The following PSG3 variants were observed in gnomAD, a reference collection of about 807,000 sequenced individuals.
PSG3 encodes the protein pregnancy-specific beta-1-glycoprotein 3.
PSG3 carries 61 observed loss-of-function variants against 47.5 expected under a neutral mutation model. The ratio of observed to expected loss-of-function variants is 1.28; its 90% CI spans 1.05 to 1.59. The LOEUF is 1.59. PSG3 is among the 40% of genes most tolerant of loss of function. The pLI is 0.00. For synonymous variants in PSG3, 263 were observed against 198.4 expected, an observed-to-expected ratio of 1.33 and a Z score of -2.74; for missense variants, 756 against 524.0, an observed-to-expected ratio of 1.44 and a Z score of -4.32.
At chr19:42,723,062 T>C (rs1006032601) in intron 6 of PSG3, among the ~76,000 whole-genome samples, 12 of 152,374 alleles carry the variant, frequency 7.9e-5, no homozygotes, top group Admixed American at 1.3e-4. Context: ...ATCATGATTA[T>C]TTTCAGGTCT....
rs943994064 is a variant in PSG3 at position 42,721,881 on chromosome 19, T to C, written c.*250A>G. 7 of 414,896 alleles carry C rather than the reference T, an allele frequency of 1.7e-5. No individual in the cohort carries two copies. The highest frequency in any genetic ancestry group is 1.2e-4 in the African/African-American group (6 of 48,678). 25.7% of individuals were successfully genotyped at this position (414,896 alleles called of 1,614,324 possible). A position where few individuals can be genotyped will look rare whatever the true frequency, so the allele number is the denominator to read the frequency against. On this transcript the variant is annotated 3_prime_UTR_variant, in exon 7 of 7. Transcript: ENST00000327495. Reference sequence around the variant, plus strand: ...TTTTGACTATTTAGTCCAATAAAATTGGGTTTTTTTCTTTGTCTTGAATTT... The same window carrying C: ...TTTTGACTATTTAGTCCAATAAAATCGGGTTTTTTTCTTTGTCTTGAATTT...
At chr19:42,739,970 T>C (rs1190571277) in intron 1 of PSG3, among the ~76,000 whole-genome samples, 2 of 151,816 alleles carry the variant, frequency 1.3e-5, no homozygotes, top group Admixed American at 6.6e-5. Context: ...TTTTTTTTTT[T>C]GAGACGGAGT....
At chr19:42,739,844 C>T (rs1046837758) in intron 1 of PSG3, among the ~76,000 whole-genome samples, 1 of 152,188 alleles carries the variant, frequency 6.6e-6, no homozygotes, top group Non-Finnish European at 1.5e-5. Flanking sequence ...CTACCTCTTA[C>T]CAATTCTGGT....
intron 2 of PSG3, among the ~76,000 whole-genome samples, chr19:42,735,632 A>G (rs1163555560): frequency 6.6e-6 from 1 of 152,186 alleles, no homozygotes; most frequent in Admixed American, 6.5e-5. Context: ...AAGTCCTGGG[A>G]TTATAGGCAT....
At chr19:42,736,409 C>A (rs1467286996) in intron 2 of PSG3, among the ~76,000 whole-genome samples, 1 of 152,172 alleles carries the variant, frequency 6.6e-6, no homozygotes, top group Non-Finnish European at 1.5e-5. Context: ...ACAAACAGAT[C>A]ATTTCCCTCC....
intron 3 of PSG3, 60 bp downstream of exon 3, chr19:42,732,724 C>A: frequency 6.2e-7 from 1 of 1,614,082 alleles, no homozygotes; most frequent in East Asian, 2.2e-5. Flanking sequence ...AGAGGCCTGG[C>A]CTCTGGCCAC....
intron 3 of PSG3, 24 bp from the exon 4 acceptor site, chr19:42,730,080 T>C (rs774286795): frequency 6.2e-7 from 1 of 1,606,696 alleles, no homozygotes; most frequent in South Asian, 1.1e-5. Context: ...AGAGAGAAGA[T>C]TGTCCTGTGT....
At chr19:42,723,176 A>G (rs909161709) in intron 6 of PSG3, among the ~76,000 whole-genome samples, 5 of 152,326 alleles carry the variant, frequency 3.3e-5, no homozygotes, top group Middle Eastern at 3.4e-3. Context: ...AAAGATCTCA[A>G]CCACACATAG....
chr19:42,737,110 C>T lies in PSG3; in HGVS notation c.430+1614G>A, dbSNP rs188144530. On this transcript the variant is annotated intron_variant, in intron 2 of 6. Transcript: ENST00000327495. Reference sequence around the variant, plus strand: ...CACTGACTTCAGAGACCCCAGGGACCAGGTGCCCCCAGTTCCACAGTCCAG... The same window carrying T: ...CACTGACTTCAGAGACCCCAGGGACTAGGTGCCCCCAGTTCCACAGTCCAG... Among the ~76,000 whole-genome samples the T allele has an allele frequency of 1.4e-4, 22 of 152,208 alleles. 1 individual carries two copies. The East Asian group carries it at 2.3e-3, about 16-fold the overall frequency.
intron 4 of PSG3, 74 bp downstream of exon 4, chr19:42,729,704 A>T (rs1280425915): frequency 2.7e-5 from 42 of 1,574,004 alleles, no homozygotes; most frequent in Non-Finnish European, 3.6e-5. Flanking sequence ...CCAGAGAGAG[A>T]GTGAGAGGCC....
Position 42,731,229 on chromosome 19 carries a change from A to G in PSG3, c.710-1173T>C, listed in dbSNP as rs1271436262. Among the ~76,000 whole-genome samples, 5 of 152,322 alleles carry G rather than the reference A, an allele frequency of 3.3e-5. No individual in the cohort carries two copies. In the South Asian group the frequency reaches 6.2e-4, roughly 19 times the overall value. On this transcript the variant is annotated intron_variant, in intron 3 of 6. Transcript: ENST00000327495. ...ACAGATTGAGTATTTCTTATGCATA[A>G]GACTTAGGACAAAAAGTGTTTTGGA... is the stretch of plus-strand genomic sequence containing the variant.
At chr19:42,727,005 G>A (rs1319667909) in intron 5 of PSG3, among the ~76,000 whole-genome samples, 1 of 152,184 alleles carries the variant, frequency 6.6e-6, no homozygotes, top group African/African-American at 2.4e-5. Flanking sequence ...TTTTCATCGA[G>A]TGTGCCAAGA....
rs187952716 is a variant in PSG3, at chr19:42,723,156, G to A, written c.*40+786C>T. 3.1e-3 allele frequency among the ~76,000 whole-genome samples: 470 copies of A among 152,266 alleles called. 3 individuals are homozygous for A. Among genetic ancestry groups the A allele is most frequent in the African/African-American group, 0.011 (456 of 41,540 alleles). On this transcript the variant is annotated intron_variant, in intron 6 of 6. Coordinates refer to ENST00000327495, the MANE Select transcript of PSG3 (RefSeq NM_021016.4). ...GTATCTTTTTTAAACACATGAACTG[G>A]TCATCAGGAAAAGATCTCAACCACA...
At chr19:42,723,035 AT>A (rs1969322586) in intron 6 of PSG3, among the ~76,000 whole-genome samples, 1 of 151,876 alleles carries the variant, frequency 6.6e-6, no homozygotes, top group African/African-American at 2.4e-5. Flanking sequence ...GTGGCATTCA[AT>A]TTTTTCTATT....
chr19:42,733,193 G>T (rs1045229398), intron 2 of PSG3, 131 bp from the exon 3 acceptor site: 6 of 1,495,452 alleles, frequency 4.0e-6, no homozygotes, highest in Non-Finnish European at 4.5e-6. Context: ...GCAGGTGTGT[G>T]TGTTACAAGA....
chr19:42,733,862 T>C (rs1203356250), intron 2 of PSG3: 3 of 152,136 alleles, frequency 2.0e-5, no homozygotes, highest in African/African-American at 7.2e-5. Flanking sequence ...GAAATACATG[T>C]GGATGTTTGC....
intron 5 of PSG3, among the ~76,000 whole-genome samples, chr19:42,727,193 T>C (rs1396069896): frequency 6.6e-6 from 1 of 152,198 alleles, no homozygotes; most frequent in Non-Finnish European, 1.5e-5. Context: ...AGCTTCATGA[T>C]ACTGGATTTC....
intron 2 of PSG3, 39 bp downstream of exon 2, chr19:42,738,685 C>T (rs375538288): frequency 6.2e-7 from 1 of 1,612,332 alleles, no homozygotes; most frequent in South Asian, 1.1e-5. Flanking sequence ...AGTAAAGACC[C>T]CATCCCCCAA....
At chr19:42,725,810 G>C (rs112822666) in intron 5 of PSG3, among the ~76,000 whole-genome samples, 2 of 145,398 alleles carry the variant, frequency 1.4e-5, no homozygotes, top group Admixed American at 7.2e-5. Flanking sequence ...GCTGCAGTGA[G>C]CCATAATCAC....
Sources: allele counts gnomAD v4.1 joint callset (sites outside exome capture counted in the v4.1 genomes callset), GRCh38; gene constraint gnomAD v4.1.1; transcripts MANE v1.5; gene names NCBI Gene and HGNC (gene_info 2026-07-23, HGNC 2026-07-21).